STT3B: variants seen among roughly 807,000 people sequenced by gnomAD.
STT3B encodes dolichyl-diphosphooligosaccharide--protein glycosyltransferase subunit STT3B.
Under a neutral mutation model 96.8 loss-of-function variants are expected in STT3B, and 29 were observed. That is an observed-to-expected ratio of 0.30 (90% CI 0.22 to 0.41). The LOEUF (loss-of-function observed/expected upper bound fraction) is 0.41, where lower values mean the gene tolerates loss of function less well. Ranked by LOEUF, STT3B falls within the 10% of genes least tolerant of loss-of-function variation. STT3B has a pLI of 1.00. For synonymous variants in STT3B, 367 were observed against 360.0 expected (o/e 1.02, Z -0.22); for missense variants, 640 against 1,022.3 (o/e 0.63, Z 5.10).
chr3:31,612,659 G>A (rs1699207987), intron 5 of STT3B, among the ~76,000 whole-genome samples: 2 of 152,172 alleles, frequency 1.3e-5, no homozygotes, highest in East Asian at 3.9e-4. Context: ...CTTTACTAAT[G>A]ATAGTAAATA....
At chr3:31,618,201 T>C (rs1436506813) in intron 8 of STT3B, among the ~76,000 whole-genome samples, 1 of 152,114 alleles carries the variant, frequency 6.6e-6, no homozygotes, top group African/African-American at 2.4e-5. Context: ...TGTGTATTAC[T>C]GTTCTGCATG....
chr3:31,614,713 T>TCAAGTGGTG (rs1699265521), intron 5 of STT3B, among the ~76,000 whole-genome samples: 2 of 78,614 alleles, frequency 2.5e-5, no homozygotes, highest in Non-Finnish European at 7.0e-5. Flanking sequence ...TGGTGATGAG[T>TCAAGTGGTG]ATTAAGTCGT....
chr3:31,607,618 CTT>C (rs528512732), intron 5 of STT3B, among the ~76,000 whole-genome samples: 130 of 152,234 alleles, frequency 8.5e-4, no homozygotes, highest in African/African-American at 2.9e-3. Flanking sequence ...TCAGGTATGT[CTT>C]TATCAGCAGT....
At chr3:31,540,363 C>G (rs1033345865) in intron 1 of STT3B, among the ~76,000 whole-genome samples, 5 of 152,108 alleles carry the variant, frequency 3.3e-5, no homozygotes, top group African/African-American at 1.2e-4. Context: ...AATGTTACTG[C>G]ATGAAGACAT....
At chr3:31,607,075 T>G (rs1699069274) in intron 5 of STT3B, among the ~76,000 whole-genome samples, 1 of 152,120 alleles carries the variant, frequency 6.6e-6, no homozygotes, top group Non-Finnish European at 1.5e-5. Flanking sequence ...TTTCTCCCAT[T>G]TGGGCTGGGT....
At chr3:31,594,946 C>A (rs1430434280) in intron 3 of STT3B, among the ~76,000 whole-genome samples, 2 of 152,204 alleles carry the variant, frequency 1.3e-5, no homozygotes, top group Non-Finnish European at 2.9e-5. Context: ...TCTTGATCAC[C>A]TTCCTGTCAG....
At chr3:31,619,901 ATTTTTGTTT>A in intron 9 of STT3B, 71 bp downstream of exon 9, 1 of 1,536,994 alleles carries the variant, frequency 6.5e-7, no homozygotes, top group Non-Finnish European at 8.7e-7. Flanking sequence ...TTTACTTTAA[ATTTTTGTTT>A]TTCTATGTTT....
chr3:31,582,440 G>T (rs1040772099), intron 3 of STT3B, among the ~76,000 whole-genome samples: 2 of 151,464 alleles, frequency 1.3e-5, no homozygotes, highest in Admixed American at 1.3e-4. Context: ...GACTACAGGC[G>T]CCTGCCACTA....
Position 31,533,030 on chromosome 3 carries a change from A to G in STT3B, c.32A>G (p.His11Arg), listed in dbSNP as rs777560756. 5 of 1,588,164 alleles carry G rather than the reference A, an allele frequency of 3.1e-6. No homozygotes were observed. Among genetic ancestry groups the G allele is most frequent in the Non-Finnish European group, 3.4e-6 (4 of 1,168,822 alleles). The change falls in exon 1 of 16, where the codon CAC becomes CGC. Residue 11 changes from histidine (H) to arginine (R), a missense_variant. His to Arg is a conservative substitution (Grantham distance 29). Around this residue, in one of 8 missense-constraint regions of STT3B, gnomAD observed 89 missense variants for 81.7 expected, o/e 1.09. Transcript: ENST00000295770. ...GAGCCCTCGGCCCCGGAGAGCAAGC[A>G]CAAGTCGTCCCTCAACTCGTCCCCG... MAEPSAPESK[H>R]KSSLNSSPWS...
chr3:31,594,770 A>T lies in STT3B; in HGVS notation c.712-2028A>T, dbSNP rs545678342. On this transcript the variant is annotated intron_variant, in intron 3 of 15. Coordinates refer to ENST00000295770, the MANE Select transcript of STT3B (RefSeq NM_178862.3). ...CTAGATCGGCTAACAGAACTCAAGG[A>T]AACACTTAGTTCAATTTGTTGGCTT... Among the ~76,000 whole-genome samples, 3 of 152,290 alleles carry T rather than the reference A, an allele frequency of 2.0e-5. No individual in the cohort carries two copies. The East Asian group carries it at 5.8e-4, about 29-fold the overall frequency.
chr3:31,593,495 A>G (rs975161398), intron 3 of STT3B, among the ~76,000 whole-genome samples: 39 of 152,148 alleles, frequency 2.6e-4, no homozygotes, highest in African/African-American at 9.1e-4. Context: ...TTACCTTAGA[A>G]TTTGGGAAGT....
chr3:31,615,109 T>C lies in STT3B; in HGVS notation c.882T>C (p.Tyr294=). 1 of 1,600,580 alleles carries C rather than the reference T, an allele frequency of 6.2e-7. No homozygotes were observed. The highest frequency in any genetic ancestry group is 1.1e-5 in the South Asian group (1 of 89,702). The change falls in exon 6 of 16, where the codon TAT becomes TAC. Residue 294 remains tyrosine, a synonymous_variant. Coordinates refer to ENST00000295770, the MANE Select transcript of STT3B (RefSeq NM_178862.3). The stretch of plus-strand genomic sequence containing the variant: ...TTTCCTATTTTGTCTTTATAGCATA[T>C]AGCACTTTCTACATTGTGGGTTTAA... ...QRYSKRVYIA[Y]STFYIVGLIL...
chr3:31,606,990 T>C (rs1208057809), intron 5 of STT3B, among the ~76,000 whole-genome samples: 1 of 152,190 alleles, frequency 6.6e-6, no homozygotes, highest in Non-Finnish European at 1.5e-5. Flanking sequence ...GGAGATCATT[T>C]TGGAGCTTTA....
At chr3:31,567,610 GTTAA>G (rs1391263995) in intron 1 of STT3B, among the ~76,000 whole-genome samples, 1 of 152,118 alleles carries the variant, frequency 6.6e-6, no homozygotes, top group Non-Finnish European at 1.5e-5. Context: ...GACTGAAAAT[GTTAA>G]TTAAACATAC....
At chr3:31,620,943 G>A (rs879744591) in intron 9 of STT3B, among the ~76,000 whole-genome samples, 19 of 152,156 alleles carry the variant, frequency 1.2e-4, no homozygotes, top group African/African-American at 4.3e-4. Flanking sequence ...TGTTAATACT[G>A]CATCATTCAA....
rs200498556 is a variant in STT3B at position 31,551,323 on chromosome 3, C to G, written c.314+18011C>G. Among the ~76,000 whole-genome samples, 89 of 152,206 alleles carry G rather than the reference C, an allele frequency of 5.8e-4. 1 individual carries two copies. The East Asian group carries it at 0.017, about 28-fold the overall frequency. Reference sequence around the variant, plus strand: ...CTCCGCCTCCCAGGCTCAAATGATCCTCCCACCTTAGCCTCTCAAGTAGCT... The same window carrying G: ...CTCCGCCTCCCAGGCTCAAATGATCGTCCCACCTTAGCCTCTCAAGTAGCT... On this transcript the variant is annotated intron_variant, in intron 1 of 15. Coordinates refer to ENST00000295770, the MANE Select transcript of STT3B (RefSeq NM_178862.3).
At chr3:31,586,486 T>C (rs1350008397) in intron 3 of STT3B, among the ~76,000 whole-genome samples, 3 of 152,086 alleles carry the variant, frequency 2.0e-5, no homozygotes, top group African/African-American at 7.2e-5. Context: ...ATCACAAAGA[T>C]TGTCTCATGT....
intron 4 of STT3B, among the ~76,000 whole-genome samples, chr3:31,599,856 A>G (rs1698889197): frequency 6.6e-6 from 1 of 152,160 alleles, no homozygotes; most frequent in Non-Finnish European, 1.5e-5. Flanking sequence ...ATTCATGCCC[A>G]ACTAGCACTT....
At chr3:31,584,731 G>A (rs774437841) in intron 3 of STT3B, among the ~76,000 whole-genome samples, 6 of 151,830 alleles carry the variant, frequency 4.0e-5, no homozygotes, top group Admixed American at 6.6e-5. Flanking sequence ...TTAGGTTTAC[G>A]GTGGAAATAG....
Sources: allele counts gnomAD v4.1 joint callset (sites outside exome capture counted in the v4.1 genomes callset), GRCh38; gene constraint gnomAD v4.1.1; regional missense constraint gnomAD v4.1.1; transcripts MANE v1.5; gene names NCBI Gene and HGNC (gene_info 2026-07-23, HGNC 2026-07-21).